The following ZNF385D variants were observed in gnomAD, a reference collection of about 807,000 sequenced individuals.
The protein encoded by ZNF385D is zinc finger protein 659.
ZNF385D carries 15 observed loss-of-function variants against 35.8 expected under a neutral mutation model. The observed-to-expected ratio is 0.42, with a 90% CI of 0.28 to 0.64. The LOEUF (loss-of-function observed/expected upper bound fraction) is 0.64. ZNF385D is among the 30% of genes least tolerant of loss of function. ZNF385D has a pLI of 0.23. For synonymous variants in ZNF385D, 212 were observed against 186.8 expected, an observed-to-expected ratio of 1.13 and a Z score of -1.10; for missense variants, 474 against 494.6, an observed-to-expected ratio of 0.96 and a Z score of 0.39.
intron 2 of ZNF385D, among the ~76,000 whole-genome samples, chr3:22,361,323 G>A (rs192397211): frequency 3.9e-5 from 6 of 152,172 alleles, no homozygotes; most frequent in African/African-American, 1.4e-4. Flanking sequence ...TAATCAGAAT[G>A]TAATAAGTAG....
At chr3:21,470,238 A>G (rs577885705) in intron 4 of ZNF385D, among the ~76,000 whole-genome samples, 42 of 152,324 alleles carry the variant, frequency 2.8e-4, no homozygotes, top group African/African-American at 9.9e-4. Context: ...AAGAATTGAG[A>G]GCACATTATG....
At chr3:21,944,318 G>T (rs1315258430) in intron 3 of ZNF385D, among the ~76,000 whole-genome samples, 2 of 152,216 alleles carry the variant, frequency 1.3e-5, no homozygotes, top group East Asian at 3.9e-4. Context: ...ACCAGAGGCT[G>T]TTAGGATCAC....
At chr3:21,914,403 C>A (rs1181415654) in intron 3 of ZNF385D, among the ~76,000 whole-genome samples, 1 of 121,182 alleles carries the variant, frequency 8.3e-6, no homozygotes. Context: ...TTTTTTTGGT[C>A]TTATCTCTTT....
At chr3:22,202,984 G>A (rs1696904142) in intron 2 of ZNF385D, among the ~76,000 whole-genome samples, 1 of 152,048 alleles carries the variant, frequency 6.6e-6, no homozygotes, top group South Asian at 2.1e-4. Context: ...GTAACTCCTA[G>A]GCAAATCCTA....
At chr3:22,298,345 AAGG>A (rs771683560) in intron 2 of ZNF385D, among the ~76,000 whole-genome samples, 20 of 139,678 alleles carry the variant, frequency 1.4e-4, no homozygotes, top group Non-Finnish European at 2.4e-4. Flanking sequence ...TTTAACAGCA[AAGG>A]AGGAGAAGAG....
At chr3:22,048,990 T>C (rs1230416046) in intron 3 of ZNF385D, among the ~76,000 whole-genome samples, 1 of 152,228 alleles carries the variant, frequency 6.6e-6, no homozygotes, top group East Asian at 1.9e-4. Context: ...TAGTTCATTG[T>C]TAGTGTATAG....
At chr3:22,050,397 C>A (rs941873869) in intron 3 of ZNF385D, among the ~76,000 whole-genome samples, 1 of 152,014 alleles carries the variant, frequency 6.6e-6, no homozygotes, top group Admixed American at 6.6e-5. Context: ...AAAACCACCA[C>A]CACAACAAGA....
At chr3:22,256,198 CATACATAT>C (rs1382299150) in intron 2 of ZNF385D, among the ~76,000 whole-genome samples, 2 of 146,754 alleles carry the variant, frequency 1.4e-5, no homozygotes, top group Non-Finnish European at 3.0e-5. Context: ...TACATACACA[CATACATAT>C]ATACATATAT....
intron 2 of ZNF385D, among the ~76,000 whole-genome samples, chr3:22,301,786 A>C (rs1191816835): frequency 6.6e-6 from 1 of 152,092 alleles, no homozygotes; most frequent in Non-Finnish European, 1.5e-5. Context: ...ACTTGGCATT[A>C]TATAGAAATA....
At chr3:22,348,299 A>G (rs1695751093) in intron 2 of ZNF385D, among the ~76,000 whole-genome samples, 1 of 152,022 alleles carries the variant, frequency 6.6e-6, no homozygotes, top group Admixed American at 6.6e-5. Context: ...AGTGATTACT[A>G]AAAATGAAGT....
chr3:22,146,449 G>C (rs1481003914), intron 3 of ZNF385D, among the ~76,000 whole-genome samples: 1 of 152,108 alleles, frequency 6.6e-6, no homozygotes, highest in East Asian at 1.9e-4. Context: ...TTGTCTTAAA[G>C]ATTGTGACTA....
intron 1 of ZNF385D, among the ~76,000 whole-genome samples, chr3:21,700,506 C>A (rs2067641995): frequency 6.6e-6 from 1 of 152,008 alleles, no homozygotes; most frequent in Admixed American, 6.6e-5. Flanking sequence ...GAATGAACAG[C>A]CAGGATTAAC....
chr3:21,463,123 G>C lies in ZNF385D; in HGVS notation c.440-25920C>G, dbSNP rs1300687503. 2.0e-5 allele frequency among the ~76,000 whole-genome samples: 3 copies of C among 152,034 alleles called. No individual in the cohort carries two copies. The South Asian group carries it at 6.2e-4, about 32-fold the overall frequency. On this transcript the variant is annotated intron_variant, in intron 4 of 7. Coordinates refer to ENST00000281523, the MANE Select transcript of ZNF385D (RefSeq NM_024697.3). ...GTAGGTTAAGGTAAAATGATATTAA[G>C]AGTATTACAAATCATTTTATTAGAT... is the stretch of plus-strand genomic sequence containing the variant.
chr3:21,498,811 C>T (rs1279173049), intron 4 of ZNF385D, among the ~76,000 whole-genome samples: 2 of 151,808 alleles, frequency 1.3e-5, no homozygotes, highest in Non-Finnish European at 2.9e-5. Context: ...GGCGTGGTGG[C>T]GTGAGCCTGT....
At chr3:21,970,691 A>T (rs997929433) in intron 3 of ZNF385D, among the ~76,000 whole-genome samples, 1 of 152,114 alleles carries the variant, frequency 6.6e-6, no homozygotes, top group Non-Finnish European at 1.5e-5. Context: ...AGAGAAAAAC[A>T]TCAATATCTA....
chr3:22,046,155 A>T (rs1698993772), intron 3 of ZNF385D, among the ~76,000 whole-genome samples: 1 of 152,184 alleles, frequency 6.6e-6, no homozygotes, highest in South Asian at 2.1e-4. Context: ...TAAGTGGAAT[A>T]AACAAATGGC....
At chr3:21,533,281 C>T (rs185813405) in intron 3 of ZNF385D, among the ~76,000 whole-genome samples, 4 of 151,954 alleles carry the variant, frequency 2.6e-5, no homozygotes, top group Admixed American at 6.5e-5. Context: ...ACTGCTGACA[C>T]AAGAAACGTT....
At chr3:21,630,638 T>A (rs888830757) in intron 2 of ZNF385D, among the ~76,000 whole-genome samples, 1 of 152,110 alleles carries the variant, frequency 6.6e-6, no homozygotes, top group Non-Finnish European at 1.5e-5. Flanking sequence ...ATCTGTAAAA[T>A]AGAAACATGG....
At chr3:22,180,364 G>A (rs1470545168) in intron 2 of ZNF385D, among the ~76,000 whole-genome samples, 3 of 152,162 alleles carry the variant, frequency 2.0e-5, no homozygotes, top group Non-Finnish European at 2.9e-5. Context: ...GTACAAGGAG[G>A]AGCTGGGACC....
Sources: allele counts gnomAD v4.1 joint callset (sites outside exome capture counted in the v4.1 genomes callset), GRCh38; gene constraint gnomAD v4.1.1; transcripts MANE v1.5; gene names NCBI Gene and HGNC (gene_info 2026-07-23, HGNC 2026-07-21).